The following HHLA2 variants were observed in gnomAD, a reference collection of about 807,000 sequenced individuals.
HHLA2 encodes HHLA2 member of B7 family.
A neutral mutation model predicts 45.9 loss-of-function variants in HHLA2; 48 were observed. The ratio of observed to expected loss-of-function variants is 1.05; its 90% CI spans 0.83 to 1.33. HHLA2 has a LOEUF of 1.33. Ranked by LOEUF, HHLA2 falls within the 40% of genes most tolerant of loss-of-function variation. The pLI, the probability that HHLA2 is intolerant of heterozygous loss-of-function variation, is 0.00. For synonymous variants in HHLA2, 161 were observed against 173.9 expected, an observed-to-expected ratio of 0.93 and a Z score of 0.59; for missense variants, 462 against 494.3, an observed-to-expected ratio of 0.93 and a Z score of 0.62.
At chr3:108,329,750 G>T (rs552018667) in intron 3 of HHLA2, among the ~76,000 whole-genome samples, 1 of 152,018 alleles carries the variant, frequency 6.6e-6, no homozygotes, top group Non-Finnish European at 1.5e-5. Context: ...TGCTTCTCCC[G>T]TATTGCTATG....
chr3:108,377,483 A>C (rs1018645028), exon 11 of HHLA2: 3 of 563,558 alleles, frequency 5.3e-6, no homozygotes, highest in Non-Finnish European at 9.8e-6. Flanking sequence ...CACTACCTGC[A>C]TTGAGTATAA....
At chr3:108,368,956 A>G (rs2082116303) in intron 8 of HHLA2, among the ~76,000 whole-genome samples, 1 of 152,208 alleles carries the variant, frequency 6.6e-6, no homozygotes, top group South Asian at 2.1e-4. Flanking sequence ...CACTTATTCT[A>G]AAATCGACCA....
At chr3:108,366,604 T>C (rs1412248001) in intron 8 of HHLA2, among the ~76,000 whole-genome samples, 1 of 152,202 alleles carries the variant, frequency 6.6e-6, no homozygotes, top group Non-Finnish European at 1.5e-5. Flanking sequence ...ATCTGTCTGG[T>C]CCTGGGCTTT....
chr3:108,319,766 T>C (rs2081166681), intron 2 of HHLA2, among the ~76,000 whole-genome samples: 1 of 152,234 alleles, frequency 6.6e-6, no homozygotes, highest in Non-Finnish European at 1.5e-5. Context: ...AGTATCTCTT[T>C]TGCTAGTTAG....
intron 3 of HHLA2, among the ~76,000 whole-genome samples, chr3:108,349,419 A>G (rs2081736226): frequency 6.6e-6 from 1 of 152,188 alleles, no homozygotes; most frequent in African/African-American, 2.4e-5. Context: ...TCCTGGACAC[A>G]TACACCCTCC....
At chr3:108,308,898 T>A (rs957065450) in intron 1 of HHLA2, among the ~76,000 whole-genome samples, 1 of 152,254 alleles carries the variant, frequency 6.6e-6, no homozygotes, top group African/African-American at 2.4e-5. Flanking sequence ...CCTTATATAG[T>A]CTGGTGATGA....
chr3:108,331,620 A>T (rs1208200067), intron 3 of HHLA2, among the ~76,000 whole-genome samples: 2 of 152,170 alleles, frequency 1.3e-5, no homozygotes, highest in African/African-American at 4.8e-5. Flanking sequence ...TGCCCTTTGG[A>T]GTATTGCTTC....
At chr3:108,350,696 CTT>C (rs1022032787) in intron 3 of HHLA2, among the ~76,000 whole-genome samples, 47 of 151,780 alleles carry the variant, frequency 3.1e-4, no homozygotes, top group African/African-American at 1.1e-3. Flanking sequence ...TTTATTGTTA[CTT>C]TTTTGAGACA....
At chr3:108,333,290 T>A (rs2081418169) in intron 3 of HHLA2, among the ~76,000 whole-genome samples, 2 of 152,184 alleles carry the variant, frequency 1.3e-5, no homozygotes, top group Admixed American at 6.5e-5. Flanking sequence ...CACAATCTCA[T>A]GTCATAACCT....
intron 4 of HHLA2, among the ~76,000 whole-genome samples, chr3:108,353,018 C>T (rs2081808328): frequency 6.6e-6 from 1 of 152,188 alleles, no homozygotes. Flanking sequence ...GGCCTGCTGG[C>T]TGTTGCTAGC....
chr3:108,304,304 A>T (rs1011155948), intron 1 of HHLA2, among the ~76,000 whole-genome samples: 2 of 152,308 alleles, frequency 1.3e-5, no homozygotes, highest in African/African-American at 2.4e-5. Context: ...TAAGAAAAAC[A>T]TATCCTCTCA....
chr3:108,304,968 T>C (rs185721182), intron 1 of HHLA2, among the ~76,000 whole-genome samples: 162 of 152,344 alleles, frequency 1.1e-3, no homozygotes, highest in African/African-American at 3.8e-3. Context: ...TTATAATTGA[T>C]TTTTACAGGG....
chr3:108,351,726 C>T, intron 3 of HHLA2, 62 bp from the exon 3 acceptor site: 1 of 1,010,496 alleles, frequency 9.9e-7, no homozygotes, highest in Non-Finnish European at 1.5e-6. Flanking sequence ...ATGTACCACT[C>T]TTTTCCAATT....
chr3:108,326,899 C>T (rs1203612147), intron 2 of HHLA2: 1 of 152,152 alleles, frequency 6.6e-6, no homozygotes, highest in Non-Finnish European at 1.5e-5. Context: ...TAAATTTGCC[C>T]TATATTCATA....
chr3:108,370,661 C>T (rs1309123704), intron 8 of HHLA2, among the ~76,000 whole-genome samples: 2 of 152,084 alleles, frequency 1.3e-5, no homozygotes, highest in African/African-American at 4.8e-5. Context: ...AACCAAGGCA[C>T]GAGAACTACA....
exon 11 of HHLA2, chr3:108,378,194 C>A (rs532910594): frequency 7.9e-5 from 12 of 152,360 alleles, no homozygotes; most frequent in Non-Finnish European, 1.3e-4. Context: ...CCTATAAGAA[C>A]TAATGATAAT....
At chr3:108,375,636 A>G in intron 8 of HHLA2, 114 bp from the exon 8 acceptor site, 1 of 1,321,580 alleles carries the variant, frequency 7.6e-7, no homozygotes, top group South Asian at 1.6e-5. Context: ...AACCCTTCAA[A>G]GAACCAGAGA....
intron 5 of HHLA2, among the ~76,000 whole-genome samples, chr3:108,354,422 T>G (rs2081846638): frequency 6.6e-6 from 1 of 151,846 alleles, no homozygotes; most frequent in Non-Finnish European, 1.5e-5. Context: ...TTCTCATAGT[T>G]ACATTGAACC....
At chr3:108,369,987 G>A (rs889925155) in intron 8 of HHLA2, among the ~76,000 whole-genome samples, 1 of 152,228 alleles carries the variant, frequency 6.6e-6, no homozygotes, top group Non-Finnish European at 1.5e-5. Flanking sequence ...CACGCAGCTT[G>A]AGATCTGAGA....
Sources: gnomAD v4.1 joint callset for allele counts (sites outside exome capture counted in the v4.1 genomes callset) on GRCh38, gnomAD v4.1.1 for gene constraint, MANE v1.5 for transcripts, NCBI Gene and HGNC (gene_info 2026-07-23, HGNC 2026-07-21) for gene names.